CTNS: variants seen among roughly 807,000 people sequenced by gnomAD.
CTNS encodes the protein cystinosin, lysosomal cystine transporter.
A neutral mutation model predicts 43.7 loss-of-function variants in CTNS; 27 were observed. That is an observed-to-expected ratio of 0.62 (90% CI 0.46 to 0.85). CTNS has a LOEUF of 0.85. CTNS is among the 40% of genes least tolerant of loss of function. The pLI is 0.00. For synonymous variants in CTNS, 187 were observed against 190.6 expected (o/e 0.98, Z 0.16); for missense variants, 457 against 475.4 (o/e 0.96, Z 0.36).
Position 3,650,041 on chromosome 17 carries a change from A to C in CTNS, c.225+1110A>C, listed in dbSNP as rs2075941727. The C allele has an allele frequency of 5.1e-6, 7 of 1,368,796 alleles. No individual in the cohort carries two copies. The South Asian group carries it at 1.1e-4, about 21-fold the overall frequency. 84.8% of individuals were successfully genotyped at this position (1,368,796 alleles called of 1,614,324 possible). On this transcript the variant is annotated intron_variant, in intron 5 of 11. Transcript: ENST00000046640. ...TCACGTTCGTAACAACAACAAAAAAAAGATAAGTATCTGAGATGATGGATA... is the reference window on the plus strand; with the variant it reads ...TCACGTTCGTAACAACAACAAAAAACAGATAAGTATCTGAGATGATGGATA...
At chr17:3,652,584 C>T (rs1434426177) in intron 5 of CTNS, among the ~76,000 whole-genome samples, 1 of 152,034 alleles carries the variant, frequency 6.6e-6, no homozygotes, top group East Asian at 1.9e-4. Flanking sequence ...ATGAGCAAAA[C>T]TCCATCTAAA....
rs558409648 is a variant in CTNS, at chr17:3,662,259, G to A, written c.*1890G>A. 3.5e-4 allele frequency among the ~76,000 whole-genome samples: 53 copies of A among 151,468 alleles called. No homozygotes were observed. The highest frequency in any genetic ancestry group is 9.2e-4 in the Admixed American group (14 of 15,228). The stretch of plus-strand genomic sequence containing the variant: ...CCAGGAGGCGGAGGTTGCAGTGAGC[G>A]AAGATCACGCCATTGCACTCCAGCC... On this transcript the variant is annotated 3_prime_UTR_variant, in exon 12 of 12. Coordinates refer to ENST00000046640, the MANE Select transcript of CTNS (RefSeq NM_004937.3).
intron 3 of CTNS, among the ~76,000 whole-genome samples, 193 bp downstream of exon 3, chr17:3,640,460 G>A (rs2075658054): frequency 6.6e-6 from 1 of 152,268 alleles, no homozygotes; most frequent in South Asian, 2.1e-4. Context: ...CAAAGAGCCA[G>A]ATAGTTCCAC....
At chr17:3,647,733 G>A in intron 4 of CTNS, 1 of 611,290 alleles carries the variant, frequency 1.6e-6, no homozygotes, top group Non-Finnish European at 2.9e-6. Flanking sequence ...CACTTTCCCT[G>A]GCAGGAGAAG....
Position 3,657,056 on chromosome 17 carries a change from T to G in CTNS, c.681+261T>G, listed in dbSNP as rs371731553. 1.5e-4 allele frequency: 76 copies of G among 510,800 alleles called. 1 individual carries two copies. In the Middle Eastern group the frequency reaches 1.6e-3, roughly 11 times the overall value. The allele number at this position is 510,800 out of a possible 1,614,324, so 31.6% of individuals were successfully genotyped here. Reference sequence around the variant, plus strand: ...GGAGCACAGACAGCTCATGGAGGAGTGCAAGGCCCTGAGCCCTGCCAGGGA... The same window carrying G: ...GGAGCACAGACAGCTCATGGAGGAGGGCAAGGCCCTGAGCCCTGCCAGGGA... On this transcript the variant is annotated intron_variant, in intron 9 of 11. Transcript: ENST00000046640.
Position 3,659,908 on chromosome 17 carries a change from C to T in CTNS, c.903C>T (p.Asn301=), listed in dbSNP as rs757595884. Reference sequence around the variant, plus strand: ...GCACTGAGGGCTGGAGCATTGGCAACGTGCTCCTGGACTTCACCGGGGGCA... The same window carrying T: ...GCACTGAGGGCTGGAGCATTGGCAATGTGCTCCTGGACTTCACCGGGGGCA... ...YKSTEGWSIG[N]VLLDFTGGSF... Residue 301 remains asparagine, a synonymous_variant, in exon 11 of 12, where the codon AAC becomes AAT. Coordinates refer to ENST00000046640, the MANE Select transcript of CTNS (RefSeq NM_004937.3). 43 of 1,613,872 alleles carry T rather than the reference C, an allele frequency of 2.7e-5. No homozygotes were observed. The highest frequency in any genetic ancestry group is 5.0e-5 in the Admixed American group (3 of 60,006).
At chr17:3,640,324 G>T (rs1184234251) in intron 3 of CTNS, 57 bp downstream of exon 3, 1 of 1,507,104 alleles carries the variant, frequency 6.6e-7, no homozygotes, top group African/African-American at 1.4e-5. Flanking sequence ...GCTAGAGGAA[G>T]GAGTAATCTG....
intron 3 of CTNS, among the ~76,000 whole-genome samples, chr17:3,642,129 A>G (rs1321973476): frequency 8.8e-5 from 8 of 90,762 alleles, no homozygotes; most frequent in East Asian, 2.7e-4. Context: ...GCGTGCATGT[A>G]TGTGTGCCCG....
rs2076292264 is a variant in CTNS, at chr17:3,662,531, G to A, written c.*2162G>A. The stretch of plus-strand genomic sequence containing the variant: ...TATAGGCAGGGAGTCTTATAGGCAG[G>A]GGTCTCTCCCAGGCACCTCTGGGTG... On this transcript the variant is annotated 3_prime_UTR_variant, in exon 12 of 12. Coordinates refer to ENST00000046640, the MANE Select transcript of CTNS (RefSeq NM_004937.3). Among the ~76,000 whole-genome samples the A allele has an allele frequency of 1.3e-5, 2 of 152,094 alleles. No homozygotes were observed. The highest frequency in any genetic ancestry group is 2.9e-5 in the Non-Finnish European group (2 of 68,018).
At chr17:3,657,984 C>A in intron 9 of CTNS, 21 bp from the exon 10 acceptor site, 1 of 1,605,400 alleles carries the variant, frequency 6.2e-7, no homozygotes, top group Non-Finnish European at 8.5e-7. Context: ...GTCCACATCT[C>A]TGCCCTCCTC....
intron 3 of CTNS, among the ~76,000 whole-genome samples, chr17:3,645,876 A>G (rs1038120051): frequency 6.6e-6 from 1 of 151,780 alleles, no homozygotes; most frequent in Non-Finnish European, 1.5e-5. Flanking sequence ...AAAAAAAAAA[A>G]AAAGTTTCCT....
Position 3,655,031 on chromosome 17 carries a change from T to G in CTNS, c.259T>G (p.Phe87Val). 1 of 1,614,112 alleles carries G rather than the reference T, an allele frequency of 6.2e-7. No individual in the cohort carries two copies. Among genetic ancestry groups the G allele is most frequent in the Non-Finnish European group, 8.5e-7 (1 of 1,179,936 alleles). Reference sequence around the variant, plus strand: ...GCCTCCTGGAGTGACAAACTCCTCTTTTCAAGTGACATCTCAAAATGTTGG... The same window carrying G: ...GCCTCCTGGAGTGACAAACTCCTCTGTTCAAGTGACATCTCAAAATGTTGG... ...VVPPGVTNSSFQVTSQNVGQL... is the reference protein window; with the variant it reads ...VVPPGVTNSSVQVTSQNVGQL... The change falls in exon 6 of 12, where the codon TTT becomes GTT. Residue 87 changes from phenylalanine to valine, a missense_variant. Transcript: ENST00000046640.
In CTNS at chr17:3,660,045, C is replaced by T. The variant is rs222753; in HGVS notation, c.970+70C>T. 0.42 allele frequency: 620,368 copies of T among 1,483,220 alleles called. 136,458 individuals carry two copies. The highest frequency in any genetic ancestry group is 0.46 in the Non-Finnish European group (486,512 of 1,065,014). 91.9% of individuals were successfully genotyped at this position (1,483,220 alleles called of 1,614,324 possible). A position where few individuals can be genotyped will look rare whatever the true frequency, so the allele number is the denominator to read the frequency against. ...CGGGCGGGGCCAGCCTTCCCGGGAC[C>T]TTCCAGCCAGGGCTCCACCCCCACC... On this transcript the variant is annotated intron_variant, in intron 11 of 11. Coordinates refer to ENST00000046640, the MANE Select transcript of CTNS (RefSeq NM_004937.3).
chr17:3,646,036 T>C lies in CTNS; in HGVS notation c.62-1408T>C, dbSNP rs576528110. Among the ~76,000 whole-genome samples, 20 of 152,172 alleles carry C rather than the reference T, an allele frequency of 1.3e-4. No homozygotes were observed. In the East Asian group the frequency reaches 3.7e-3, roughly 28 times the overall value. On this transcript the variant is annotated intron_variant, in intron 3 of 11. Transcript: ENST00000046640. Reference sequence around the variant, plus strand: ...CGGGCATGCTGGCAGCCTCTGCCGTTGCAAAGACGCTCCTCATCACAGTCA... The same window carrying C: ...CGGGCATGCTGGCAGCCTCTGCCGTCGCAAAGACGCTCCTCATCACAGTCA...
intron 5 of CTNS, among the ~76,000 whole-genome samples, chr17:3,653,964 T>G (rs2076057172): frequency 6.6e-6 from 1 of 152,166 alleles, no homozygotes; most frequent in Admixed American, 6.5e-5. Flanking sequence ...GCAGAGCATT[T>G]GCCAAATATT....
Position 3,658,163 on chromosome 17 carries a change from G to GT in CTNS, c.841dup (p.Tyr281LeufsTer15), listed in dbSNP as rs1411094034. On this transcript the variant is annotated frameshift_variant, in exon 10 of 12. Transcript: ENST00000046640. LOFTEE classifies it high-confidence loss of function. ...TCAAGCTCGCAGTCACGCTGGTCAA[G>GT]TATTTTCCACAGGTACCTCCAGGGC... 1 of 1,611,834 alleles carries GT rather than the reference G, an allele frequency of 6.2e-7. No individual in the cohort carries two copies. The highest frequency in any genetic ancestry group is 8.5e-7 in the Non-Finnish European group (1 of 1,179,756).
intron 4 of CTNS, among the ~76,000 whole-genome samples, chr17:3,648,049 C>T (rs1567701943): frequency 6.6e-6 from 1 of 152,192 alleles, no homozygotes; most frequent in African/African-American, 2.4e-5. Context: ...AGGGAGGCTG[C>T]CTCTGCCTTC....
upstream of CTNS, chr17:3,636,740 GCCGGGCAGGGGAA>G (rs1298330577): frequency 1.3e-5 from 2 of 153,632 alleles, no homozygotes; most frequent in Non-Finnish European, 2.9e-5. Flanking sequence ...CCAAAGTCTA[GCCGGGCAGGGGAA>G]CGCGGTGCAT....
At position 3,655,672 on chromosome 17, in the gene CTNS, T is replaced by C. The variant is rs895160874; in HGVS notation, c.461+320T>C. On this transcript the variant is annotated intron_variant, in intron 7 of 11. Coordinates refer to ENST00000046640, the MANE Select transcript of CTNS (RefSeq NM_004937.3). ...CCTCTGCGCTGGGTCCATCCGACCC[T>C]GGAGGATTGCGGCGTCAAGTCCTGT... 7 of 398,266 alleles carry C rather than the reference T, an allele frequency of 1.8e-5. No individual in the cohort carries two copies. In the Admixed American group the frequency reaches 2.2e-4, roughly 12 times the overall value. The allele number at this position is 398,266 out of a possible 1,614,324, so 24.7% of individuals were successfully genotyped here.
Sources: allele counts gnomAD v4.1 joint callset (sites outside exome capture counted in the v4.1 genomes callset), GRCh38; gene constraint gnomAD v4.1.1; transcripts MANE v1.5; gene names NCBI Gene and HGNC (gene_info 2026-07-23, HGNC 2026-07-21).